The following WNK2 variants were observed in gnomAD, a reference collection of about 807,000 sequenced individuals.
WNK2 encodes WNK lysine deficient protein kinase 2, also known as serine/threonine-protein kinase WNK2.
In WNK2, 67 loss-of-function variants were observed where a neutral mutation model predicts 192.1. That is an observed-to-expected ratio of 0.35 (90% CI 0.29 to 0.43). WNK2 has a LOEUF of 0.43. Among genes scored for constraint, WNK2 ranks in the 20% least tolerant of loss-of-function variants. The pLI, the probability that WNK2 is intolerant of heterozygous loss-of-function variation, is 1.00. For missense variants in WNK2, 2,698 were observed against 3,089.7 expected (o/e 0.87, Z 3.01); for synonymous variants, 1,439 against 1,393.9 (o/e 1.03, Z -0.72).
rs948452219 is a variant in WNK2, at chr9:93,273,233, T to C, written c.4033+4487T>C. Among the ~76,000 whole-genome samples, 4 of 152,216 alleles carry C rather than the reference T, an allele frequency of 2.6e-5. No individual in the cohort carries two copies. In the East Asian group the frequency reaches 5.8e-4, roughly 22 times the overall value. The stretch of plus-strand genomic sequence containing the variant: ...AGTGCAGTGGCACGATCTTGGCTCA[T>C]TGCAACCTCTGCCTCTTAGATTCAG... On this transcript the variant is annotated intron_variant, in intron 19 of 29. Coordinates refer to ENST00000427277, the MANE Select transcript of WNK2 (RefSeq NM_006648.4).
At chr9:93,196,276 T>G (rs1349161433) in intron 2 of WNK2, among the ~76,000 whole-genome samples, 2 of 152,284 alleles carry the variant, frequency 1.3e-5, no homozygotes, top group East Asian at 3.9e-4. Context: ...TGTGCGTGCT[T>G]GCTCTCCGGT....
At chr9:93,297,812 C>T (rs753017088) in intron 23 of WNK2, 41 bp from the exon 24 acceptor site, 87 of 1,532,876 alleles carry the variant, frequency 5.7e-5, no homozygotes, top group Non-Finnish European at 6.8e-5. Flanking sequence ...TTGGAAACAC[C>T]GAGGAAGCCC....
intron 28 of WNK2, among the ~76,000 whole-genome samples, chr9:93,310,390 C>G (rs752485226): frequency 7.2e-5 from 11 of 152,112 alleles, no homozygotes; most frequent in Non-Finnish European, 1.3e-4. Context: ...TTCAGATGTT[C>G]TGGATTCTTT....
intron 28 of WNK2, among the ~76,000 whole-genome samples, chr9:93,313,287 C>G (rs1358342052): frequency 6.6e-6 from 1 of 151,804 alleles, no homozygotes; most frequent in Non-Finnish European, 1.5e-5. Context: ...TTTTAGGTCA[C>G]TAAATTTTTC....
At chr9:93,268,289 G>A (rs1050811393) in intron 18 of WNK2, among the ~76,000 whole-genome samples, 5 of 152,172 alleles carry the variant, frequency 3.3e-5, no homozygotes, top group Middle Eastern at 3.2e-3. Context: ...CCAAGCCTAC[G>A]CGAGGGGTCC....
At chr9:93,261,771 G>C (rs747996577) in intron 12 of WNK2, 43 bp from the exon 13 acceptor site, 1 of 1,549,194 alleles carries the variant, frequency 6.5e-7, no homozygotes, top group African/African-American at 1.3e-5. Flanking sequence ...CTCAGTGAAG[G>C]CAGCGCCGGC....
In WNK2 at chr9:93,304,540, C is replaced by T. The variant is rs150409074; in HGVS notation, c.6215-2237C>T. Among the ~76,000 whole-genome samples, 504 of 152,338 alleles carry T rather than the reference C, an allele frequency of 3.3e-3. 4 individuals carry two copies. Among genetic ancestry groups the T allele is most frequent in the African/African-American group, 0.012 (482 of 41,586 alleles). ...CACAGGGAGACCGAGGTGGGCCTGG[C>T]GTCAATTGGCAGCCTCCTGAAAGTT... On this transcript the variant is annotated intron_variant, in intron 26 of 29. Transcript: ENST00000427277.
chr9:93,203,732 G>A (rs910283451), intron 2 of WNK2, among the ~76,000 whole-genome samples: 1 of 152,214 alleles, frequency 6.6e-6, no homozygotes, highest in Non-Finnish European at 1.5e-5. Context: ...GGGGATGTGG[G>A]TGTGGAAGAG....
chr9:93,298,253 C>T (rs545492367), intron 24 of WNK2, among the ~76,000 whole-genome samples, 186 bp downstream of exon 24: 7 of 152,340 alleles, frequency 4.6e-5, no homozygotes, highest in East Asian at 1.9e-4. Flanking sequence ...CCTGGTCCTC[C>T]GTCCTCATGC....
At position 93,261,903 on chromosome 9, in the gene WNK2, G is replaced by T; in HGVS notation, c.3156G>T (p.Pro1052=). The change falls in exon 13 of 30, where the codon CCG becomes CCT. Residue 1052 remains proline (P), a synonymous_variant. Transcript: ENST00000427277. ...TGCCACCGGCTGCGGTCCTCTCGCCGCCTCTGCCGGAAGTGCTGCTGCCTG... is the reference window on the plus strand; with the variant it reads ...TGCCACCGGCTGCGGTCCTCTCGCCTCCTCTGCCGGAAGTGCTGCTGCCTG... The part of the protein sequence containing the change: ...VPVPPAAVLS[P]PLPEVLLPAA... The T allele has an allele frequency of 6.2e-7, 1 of 1,605,594 alleles. No homozygotes were observed. Among genetic ancestry groups the T allele is most frequent in the Non-Finnish European group, 8.5e-7 (1 of 1,179,722 alleles).
Position 93,256,467 on chromosome 9 carries a change from C to A in WNK2, c.2190+13C>A, listed in dbSNP as rs529539843. On this transcript the variant is annotated intron_variant, in intron 10 of 29. Transcript: ENST00000427277. ...CCCCGGCCAGCAGGTGAGTGTGGCA[C>A]CTCCTGTGGCCACTGTCCCTCCAGG... is the stretch of plus-strand genomic sequence containing the variant. 169 of 1,506,510 alleles carry A rather than the reference C, an allele frequency of 1.1e-4. 1 individual carries two copies. In the South Asian group the frequency reaches 1.9e-3, roughly 17 times the overall value. 93.3% of individuals were successfully genotyped at this position (1,506,510 alleles called of 1,614,324 possible).
intron 2 of WNK2, among the ~76,000 whole-genome samples, chr9:93,191,413 T>A (rs1201537155): frequency 6.6e-6 from 1 of 151,866 alleles, no homozygotes; most frequent in Non-Finnish European, 1.5e-5. Flanking sequence ...TGGGGTACCA[T>A]AGTGAGCAGG....
chr9:93,268,580 G>A, intron 18 of WNK2, 47 bp from the exon 19 acceptor site: 1 of 1,575,136 alleles, frequency 6.3e-7, no homozygotes, highest in Non-Finnish European at 8.6e-7. Flanking sequence ...CACTGGCCTG[G>A]AAAGGCGCTC....
intron 2 of WNK2, among the ~76,000 whole-genome samples, chr9:93,210,744 C>G (rs1834350531): frequency 6.6e-6 from 1 of 152,158 alleles, no homozygotes; most frequent in Admixed American, 6.5e-5. Context: ...GTTTCTCCCG[C>G]TTCAGGGTCC....
At chr9:93,222,006 C>T (rs960298728) in intron 2 of WNK2, among the ~76,000 whole-genome samples, 3 of 152,196 alleles carry the variant, frequency 2.0e-5, no homozygotes, top group African/African-American at 7.2e-5. Context: ...CCTATGATGA[C>T]ACATTTTACA....
At chr9:93,205,210 C>T (rs549313740) in intron 2 of WNK2, among the ~76,000 whole-genome samples, 7 of 152,192 alleles carry the variant, frequency 4.6e-5, no homozygotes, top group South Asian at 2.1e-4. Flanking sequence ...GCTTGAGGAG[C>T]ACTGGGCTGG....
Position 93,267,869 on chromosome 9 carries a change from G to A in WNK2, c.3820G>A (p.Gly1274Arg). Reference sequence around the variant, plus strand: ...AGACGCCGACCGTGGCTCCGACCCAGGGACCAGCCCGCCACACCTCAGCAC... The same window carrying A: ...AGACGCCGACCGTGGCTCCGACCCAAGGACCAGCCCGCCACACCTCAGCAC... ...DTDADRGSDP[G>R]TSPPHLSTCG... Residue 1274 changes from glycine to arginine, a missense_variant, in exon 17 of 30, where the codon GGG becomes AGG. Physicochemically the swap from Gly to Arg is moderately radical, Grantham distance 125. This residue lies in a region of WNK2 where 1,098 missense variants were observed against 1,101.0 expected (regional missense o/e 1.00). Coordinates refer to ENST00000427277, the MANE Select transcript of WNK2 (RefSeq NM_006648.4). The A allele has an allele frequency of 6.2e-7, 1 of 1,610,894 alleles. No individual in the cohort carries two copies. Among genetic ancestry groups the A allele is most frequent in the Non-Finnish European group, 8.5e-7 (1 of 1,178,894 alleles).
chr9:93,289,740 C>G (rs1849021213), intron 20 of WNK2, 120 bp downstream of exon 20: 1 of 1,102,138 alleles, frequency 9.1e-7, no homozygotes, highest in African/African-American at 1.6e-5. Flanking sequence ...GGGCCCGTCC[C>G]TCTCTTGGTG....
At chr9:93,197,424 C>A (rs2131149989) in intron 2 of WNK2, among the ~76,000 whole-genome samples, 1 of 152,362 alleles carries the variant, frequency 6.6e-6, no homozygotes, top group Middle Eastern at 3.4e-3. Flanking sequence ...CAATCCAGAA[C>A]AGTCCCTCTG....
Sources: gnomAD v4.1 joint callset for allele counts (sites outside exome capture counted in the v4.1 genomes callset) on GRCh38, gnomAD v4.1.1 for gene constraint, gnomAD v4.1.1 regional missense constraint, MANE v1.5 for transcripts, NCBI Gene and HGNC (gene_info 2026-07-23, HGNC 2026-07-21) for gene names.